The following SEMA3E variants were observed in gnomAD, a reference collection of about 807,000 sequenced individuals.
SEMA3E encodes semaphorin-3E.
SEMA3E carries 49 observed loss-of-function variants against 93.6 expected under a neutral mutation model. That is an observed-to-expected ratio of 0.52 (90% CI 0.42 to 0.66). The LOEUF (loss-of-function observed/expected upper bound fraction) is 0.66, where lower values mean the gene tolerates loss of function less well. SEMA3E is among the 30% of genes least tolerant of loss of function. The pLI is 0.00. For synonymous variants in SEMA3E, 363 were observed against 330.7 expected, an observed-to-expected ratio of 1.10 and a Z score of -1.06; for missense variants, 906 against 964.8, an observed-to-expected ratio of 0.94 and a Z score of 0.81.
intron 14 of SEMA3E, among the ~76,000 whole-genome samples, chr7:83,389,693 TACATACAC>T (rs1255046361): frequency 1.3e-3 from 191 of 150,502 alleles, no homozygotes; most frequent in Admixed American, 2.1e-3. Context: ...ATTACATGTA[TACATACAC>T]ACATATATAC....
intron 4 of SEMA3E, among the ~76,000 whole-genome samples, chr7:83,432,536 C>T (rs1451201124): frequency 6.6e-6 from 1 of 152,094 alleles, no homozygotes. Context: ...AGAGAATTAT[C>T]ACCTAAATGA....
chr7:83,412,970 C>G (rs918624730), intron 5 of SEMA3E, among the ~76,000 whole-genome samples: 1 of 151,828 alleles, frequency 6.6e-6, no homozygotes, highest in South Asian at 2.1e-4. Flanking sequence ...GAATTTCAGC[C>G]CAAAGGACAT....
intron 16 of SEMA3E, 124 bp from the exon 17 acceptor site, chr7:83,368,162 T>C: frequency 1.2e-6 from 1 of 803,292 alleles, no homozygotes; most frequent in Non-Finnish European, 2.1e-6. Context: ...ACCCTGAAAA[T>C]CATACATACA....
intron 16 of SEMA3E, among the ~76,000 whole-genome samples, chr7:83,382,699 G>C (rs2116912754): frequency 6.6e-6 from 1 of 151,504 alleles, no homozygotes; most frequent in East Asian, 1.9e-4. Context: ...AGGTCTACAA[G>C]TCAAGGGAAA....
chr7:83,589,139 A>C (rs1792698646), intron 1 of SEMA3E, among the ~76,000 whole-genome samples: 1 of 152,152 alleles, frequency 6.6e-6, no homozygotes, highest in African/African-American at 2.4e-5. Flanking sequence ...TCATTTTCTT[A>C]AGTTAATTAT....
At chr7:83,401,047 A>G (rs1448219035) in intron 10 of SEMA3E, among the ~76,000 whole-genome samples, 2 of 152,158 alleles carry the variant, frequency 1.3e-5, no homozygotes, top group African/African-American at 4.8e-5. Context: ...TCAATGGCAA[A>G]AAGACACTCT....
chr7:83,576,531 C>T (rs572263280), intron 1 of SEMA3E, among the ~76,000 whole-genome samples: 2 of 152,134 alleles, frequency 1.3e-5, no homozygotes, highest in South Asian at 4.2e-4. Flanking sequence ...GTTTGCCATG[C>T]AAATGTATGT....
chr7:83,572,979 G>T (rs1792317715), intron 1 of SEMA3E, among the ~76,000 whole-genome samples: 2 of 152,114 alleles, frequency 1.3e-5, no homozygotes. Flanking sequence ...GTTTGGTAAA[G>T]AATTTATGGC....
intron 1 of SEMA3E, among the ~76,000 whole-genome samples, chr7:83,631,388 T>C (rs556633407): frequency 6.6e-6 from 1 of 152,318 alleles, no homozygotes; most frequent in South Asian, 2.1e-4. Context: ...ACTTCAACTG[T>C]ATGTTAAACT....
At chr7:83,621,052 A>G (rs1793546663) in intron 1 of SEMA3E, among the ~76,000 whole-genome samples, 2 of 152,258 alleles carry the variant, frequency 1.3e-5, no homozygotes, top group South Asian at 4.1e-4. Context: ...AGGAAGTCAA[A>G]TTGTCTTTTT....
intron 1 of SEMA3E, among the ~76,000 whole-genome samples, chr7:83,512,355 T>A (rs1790843084): frequency 6.6e-6 from 1 of 152,220 alleles, no homozygotes. Context: ...TGTACACTGT[T>A]AAATTACTTA....
chr7:83,547,706 T>C (rs1791680075), intron 1 of SEMA3E, among the ~76,000 whole-genome samples: 2 of 152,130 alleles, frequency 1.3e-5, no homozygotes, highest in South Asian at 4.1e-4. Context: ...TCTTGGTTGC[T>C]GCTAGAGATG....
At chr7:83,490,084 C>T (rs1339973188) in intron 2 of SEMA3E, 30 bp downstream of exon 2, 1 of 1,606,390 alleles carries the variant, frequency 6.2e-7, no homozygotes, top group Admixed American at 1.7e-5. Flanking sequence ...TTTTCTATCT[C>T]TACTGAAATG....
At chr7:83,412,056 C>T (rs2709964) in intron 5 of SEMA3E, among the ~76,000 whole-genome samples, 130,911 of 152,160 alleles carry the variant, frequency 0.86, 59,768 homozygotes, top group East Asian at 1. Flanking sequence ...CAGTTATCTG[C>T]AGAATCAAAG....
At chr7:83,570,387 A>C (rs968478116) in intron 1 of SEMA3E, among the ~76,000 whole-genome samples, 8 of 149,316 alleles carry the variant, frequency 5.4e-5, no homozygotes, top group Non-Finnish European at 1.2e-4. Flanking sequence ...CCCCGTCTCT[A>C]CTAAAAATAC....
At chr7:83,606,648 A>T (rs900141887) in intron 1 of SEMA3E, among the ~76,000 whole-genome samples, 1 of 146,498 alleles carries the variant, frequency 6.8e-6, no homozygotes, top group Non-Finnish European at 1.5e-5. Context: ...GCATTGGGAG[A>T]TATACCTAAT....
intron 4 of SEMA3E, among the ~76,000 whole-genome samples, chr7:83,434,758 G>C (rs1339887708): frequency 7.0e-6 from 1 of 142,330 alleles, no homozygotes; most frequent in Non-Finnish European, 1.5e-5. Flanking sequence ...CTGTCGCCCA[G>C]GCTGGAGTGC....
intron 16 of SEMA3E, among the ~76,000 whole-genome samples, chr7:83,380,523 C>G (rs1370875261): frequency 6.6e-6 from 1 of 151,838 alleles, no homozygotes; most frequent in Non-Finnish European, 1.5e-5. Context: ...GTAACATAAG[C>G]TAACATTATT....
At chr7:83,445,101 A>G (rs1457292136) in intron 4 of SEMA3E, among the ~76,000 whole-genome samples, 6 of 152,346 alleles carry the variant, frequency 3.9e-5, no homozygotes, top group East Asian at 3.9e-4. Flanking sequence ...GAAGACATTT[A>G]CCAACTAGAA....
Sources: allele counts gnomAD v4.1 joint callset (sites outside exome capture counted in the v4.1 genomes callset), GRCh38; gene constraint gnomAD v4.1.1; transcripts MANE v1.5; gene names NCBI Gene and HGNC (gene_info 2026-07-23, HGNC 2026-07-21).